The following PTPN20 variants were observed in gnomAD, a reference collection of about 807,000 sequenced individuals.
The protein encoded by PTPN20 is tyrosine-protein phosphatase non-receptor type 20.
Under a neutral mutation model 35.0 loss-of-function variants are expected in PTPN20, and 9 were observed. That is an observed-to-expected ratio of 0.26 (90% CI 0.15 to 0.45). The LOEUF (loss-of-function observed/expected upper bound fraction) is 0.45, where lower values mean the gene tolerates loss of function less well. PTPN20 is among the 20% of genes least tolerant of loss of function. PTPN20 has a pLI of 1.00. For synonymous variants in PTPN20, 32 were observed against 100.2 expected (o/e 0.32, Z 4.06); for missense variants, 111 against 312.5 (o/e 0.36, Z 4.86).
At chr10:47,003,612 C>A (rs2060137856), downstream of PTPN20, among the ~76,000 whole-genome samples, 2 of 152,076 alleles carry the variant, frequency 1.3e-5, no homozygotes. Context: ...TATCTGACTT[C>A]TTGCCTTTTT....
At chr10:46,936,362 C>T (rs1481223741) in intron 2 of PTPN20, among the ~76,000 whole-genome samples, 29 of 151,962 alleles carry the variant, frequency 1.9e-4, no homozygotes, top group East Asian at 5.8e-4. Context: ...CCTTCTGGCC[C>T]GGGCTCTTTC....
chr10:46,990,349 G>A (rs1236901445), intron 9 of PTPN20, among the ~76,000 whole-genome samples: 1 of 107,220 alleles, frequency 9.3e-6, no homozygotes, highest in African/African-American at 4.8e-5. Flanking sequence ...CTCCAGCCTG[G>A]GAGACAGAGC....
intron 7 of PTPN20, among the ~76,000 whole-genome samples, chr10:46,970,829 A>C (rs2051923637): frequency 1.1e-5 from 1 of 87,510 alleles, no homozygotes; most frequent in Non-Finnish European, 2.0e-5. Context: ...AAAGGTGGAA[A>C]CTGATCCAGA....
Position 47,000,867 on chromosome 10 carries a change from T to C in PTPN20, c.*126T>C. 3 of 1,265,422 alleles carry C rather than the reference T, an allele frequency of 2.4e-6. No individual in the cohort carries two copies. The highest frequency in any genetic ancestry group is 3.5e-6 in the Non-Finnish European group (3 of 868,114). 78.4% of individuals were successfully genotyped at this position (1,265,422 alleles called of 1,614,324 possible). A position where few individuals can be genotyped will look rare whatever the true frequency, so the allele number is the denominator to read the frequency against. The stretch of plus-strand genomic sequence containing the variant: ...AATCTGCTTTCTTGGTTTATCAGTT[T>C]ATTTTCTTTCTAAAAGCTCCCTGAA... On this transcript the variant is annotated 3_prime_UTR_variant, in exon 11 of 11. Coordinates refer to ENST00000374339, the MANE Select transcript of PTPN20 (RefSeq NM_001042357.5).
At chr10:46,983,314 C>T (rs2056111151) in intron 7 of PTPN20, among the ~76,000 whole-genome samples, 1 of 150,964 alleles carries the variant, frequency 6.6e-6, no homozygotes, top group Non-Finnish European at 1.5e-5. Flanking sequence ...AAGAGTTCTG[C>T]CAGATATTAT....
At chr10:46,925,800 T>G (rs1421378915) in intron 1 of PTPN20, among the ~76,000 whole-genome samples, 1 of 151,694 alleles carries the variant, frequency 6.6e-6, no homozygotes. Flanking sequence ...ACTTAAAAAA[T>G]TTTGTACCTG....
chr10:46,996,947 G>A (rs2059212685), intron 9 of PTPN20, among the ~76,000 whole-genome samples: 1 of 152,094 alleles, frequency 6.6e-6, no homozygotes, highest in Non-Finnish European at 1.5e-5. Context: ...AAAATTGTTT[G>A]AGCTATCCTA....
At chr10:46,950,814 T>C (rs2046412466) in intron 5 of PTPN20, among the ~76,000 whole-genome samples, 1 of 152,058 alleles carries the variant, frequency 6.6e-6, no homozygotes, top group Admixed American at 6.6e-5. Context: ...AGATTTTCTG[T>C]TTAAAGTTTA....
At chr10:46,920,442 A>C (rs2034698120) in intron 1 of PTPN20, among the ~76,000 whole-genome samples, 1 of 148,544 alleles carries the variant, frequency 6.7e-6, no homozygotes, top group Non-Finnish European at 1.5e-5. Flanking sequence ...AGACAGGTAG[A>C]TGTTCACACC....
chr10:46,945,089 A>G (rs2044311147), intron 4 of PTPN20, among the ~76,000 whole-genome samples: 1 of 138,886 alleles, frequency 7.2e-6, no homozygotes, highest in African/African-American at 3.2e-5. Flanking sequence ...ATGGGGAGAA[A>G]TATTAGCTGC....
At chr10:47,000,043 C>G (rs2059836184) in intron 10 of PTPN20, 69 bp downstream of exon 10, 3 of 1,594,392 alleles carry the variant, frequency 1.9e-6, no homozygotes, top group African/African-American at 2.7e-5. Context: ...TAACACTTTA[C>G]CACTTAAAAG....
intron 4 of PTPN20, among the ~76,000 whole-genome samples, chr10:46,945,373 T>G (rs1222191149): frequency 6.6e-6 from 1 of 152,008 alleles, no homozygotes; most frequent in Non-Finnish European, 1.5e-5. Context: ...TAATTAAATG[T>G]TTACAGTAAT....
intron 5 of PTPN20, among the ~76,000 whole-genome samples, chr10:46,947,014 G>C (rs2045011873): frequency 6.7e-6 from 1 of 149,786 alleles, no homozygotes. Flanking sequence ...CACAATATAT[G>C]CTTTGTAAGT....
At chr10:46,920,596 G>T (rs1555107218) in intron 1 of PTPN20, among the ~76,000 whole-genome samples, 1 of 141,092 alleles carries the variant, frequency 7.1e-6, no homozygotes, top group Non-Finnish European at 1.5e-5. Context: ...TCTATGTTTT[G>T]TGTTAGGCTA....
intron 1 of PTPN20, among the ~76,000 whole-genome samples, chr10:46,921,579 G>A (rs1228997024): frequency 2.0e-5 from 3 of 146,580 alleles, no homozygotes; most frequent in African/African-American, 7.6e-5. Flanking sequence ...TTTTGGTGTT[G>A]TATTTAAAAT....
At position 46,917,182 on chromosome 10, in the gene PTPN20, TAAAA is replaced by T. The variant is rs1308703016; in HGVS notation, c.-124+5684_-124+5687del. Among the ~76,000 whole-genome samples, 426 of 149,298 alleles carry T rather than the reference TAAAA, an allele frequency of 2.9e-3. 25 individuals are homozygous for T. The highest frequency in any genetic ancestry group is 0.01 in the African/African-American group (415 of 39,752). ...AGGAAAAGATATAAATGTACACAGA[TAAAA>T]AAGGAAGAAATAAAATTGTCTTTAT... On this transcript the variant is annotated intron_variant, in intron 1 of 10. Coordinates refer to ENST00000374339, the MANE Select transcript of PTPN20 (RefSeq NM_001042357.5).
chr10:46,981,019 A>T (rs76165039), intron 7 of PTPN20, among the ~76,000 whole-genome samples: 481 of 147,368 alleles, frequency 3.3e-3, no homozygotes, highest in African/African-American at 0.011. Flanking sequence ...AAATGGCCAG[A>T]CGTATAAATG....
rs2059981232 is a variant in PTPN20 at position 47,001,044 on chromosome 10, A to G, written c.*303A>G. 2.4e-6 allele frequency: 1 copy of G among 417,124 alleles called. No individual in the cohort carries two copies. Among genetic ancestry groups the G allele is most frequent in the Admixed American group, 3.9e-5 (1 of 25,580 alleles). The allele number at this position is 417,124 out of a possible 1,614,324, so 25.8% of individuals were successfully genotyped here. On this transcript the variant is annotated 3_prime_UTR_variant, in exon 11 of 11. Transcript: ENST00000374339. ...GGTTGAAGGGATTACAGAGCCCAATAAAGGATTTAAAATATATTCATTAAG... is the reference window on the plus strand; with the variant it reads ...GGTTGAAGGGATTACAGAGCCCAATGAAGGATTTAAAATATATTCATTAAG...
intron 7 of PTPN20, among the ~76,000 whole-genome samples, chr10:46,971,434 T>TCAACAA (rs1421081709): frequency 5.7e-5 from 1 of 17,474 alleles, no homozygotes; most frequent in Non-Finnish European, 9.2e-5. Flanking sequence ...AGACTCCGTC[T>TCAACAA]CAACAACAAC....
Sources: gnomAD v4.1 joint callset for allele counts (sites outside exome capture counted in the v4.1 genomes callset) on GRCh38, gnomAD v4.1.1 for gene constraint, MANE v1.5 for transcripts, NCBI Gene and HGNC (gene_info 2026-07-23, HGNC 2026-07-21) for gene names.